The following SORCS1 variants were observed in gnomAD, a reference collection of about 807,000 sequenced individuals.
The protein encoded by SORCS1 is VPS10 domain-containing receptor SorCS1.
In SORCS1, 60 loss-of-function variants were observed where a neutral mutation model predicts 146.1. The observed-to-expected ratio is 0.41, with a 90% CI of 0.33 to 0.51. The LOEUF is 0.51. Among genes scored for constraint, SORCS1 ranks in the 20% least tolerant of loss-of-function variants. SORCS1 has a pLI of 0.21. For synonymous variants in SORCS1, 637 were observed against 584.0 expected (o/e 1.09, Z -1.31); for missense variants, 1,352 against 1,487.6 (o/e 0.91, Z 1.50).
chr10:107,139,804 A>G (rs1490265659), intron 1 of SORCS1, among the ~76,000 whole-genome samples: 13 of 152,242 alleles, frequency 8.5e-5, no homozygotes, highest in Admixed American at 8.5e-4. Context: ...GACATGGCTA[A>G]TAACTGGATC....
chr10:107,116,683 C>G (rs1966060155), intron 1 of SORCS1, among the ~76,000 whole-genome samples: 1 of 151,962 alleles, frequency 6.6e-6, no homozygotes, highest in Non-Finnish European at 1.5e-5. Flanking sequence ...TGTAAGGGTA[C>G]AAAATATCAA....
At chr10:106,756,770 T>C (rs1004566995) in intron 5 of SORCS1, among the ~76,000 whole-genome samples, 2 of 152,186 alleles carry the variant, frequency 1.3e-5, no homozygotes, top group Admixed American at 6.5e-5. Context: ...TGTTAAAGCT[T>C]GAAACTTGTA....
intron 1 of SORCS1, among the ~76,000 whole-genome samples, chr10:107,044,408 A>C (rs567542122): frequency 6.6e-6 from 1 of 151,814 alleles, no homozygotes; most frequent in Non-Finnish European, 1.5e-5. Flanking sequence ...ACAAATAAAT[A>C]AGAAATGTGC....
chr10:106,820,569 T>C (rs1008124220), intron 3 of SORCS1, among the ~76,000 whole-genome samples: 5 of 152,142 alleles, frequency 3.3e-5, no homozygotes, highest in African/African-American at 1.2e-4. Flanking sequence ...AGGGGAGAAA[T>C]AGTGGTTTTA....
At chr10:107,015,690 G>A (rs956148380) in intron 1 of SORCS1, among the ~76,000 whole-genome samples, 1 of 152,176 alleles carries the variant, frequency 6.6e-6, no homozygotes, top group Non-Finnish European at 1.5e-5. Context: ...CTTCAACAAT[G>A]AGGACAGATG....
rs571925666 is a variant in SORCS1, at chr10:106,790,095, A to C, written c.727-13403T>G. On this transcript the variant is annotated intron_variant, in intron 3 of 25. Coordinates refer to ENST00000263054, the MANE Select transcript of SORCS1 (RefSeq NM_052918.5). ...CAACACCTAAGGATAACAATTCAAG[A>C]TTAGATTTGGGTAGGGACACAAAGC... is the stretch of plus-strand genomic sequence containing the variant. Among the ~76,000 whole-genome samples, 4 of 152,336 alleles carry C rather than the reference A, an allele frequency of 2.6e-5. No homozygotes were observed. The South Asian group carries it at 8.3e-4, about 32-fold the overall frequency.
chr10:106,823,643 G>T (rs1465465493), intron 3 of SORCS1, among the ~76,000 whole-genome samples: 1 of 152,210 alleles, frequency 6.6e-6, no homozygotes, highest in Non-Finnish European at 1.5e-5. Context: ...TCTAAAGGGA[G>T]TATTAGACAT....
chr10:106,659,060 G>A (rs1473046665), intron 17 of SORCS1, among the ~76,000 whole-genome samples: 1 of 152,160 alleles, frequency 6.6e-6, no homozygotes, highest in Non-Finnish European at 1.5e-5. Context: ...GCTCAGGAGT[G>A]ACAATGTGTC....
At chr10:106,870,996 C>CGTTT in intron 2 of SORCS1, among the ~76,000 whole-genome samples, 1 of 152,166 alleles carries the variant, frequency 6.6e-6, no homozygotes, top group East Asian at 1.9e-4. Flanking sequence ...GAAACTTAAA[C>CGTTT]AAGTGTATAT....
chr10:107,054,733 T>G (rs929963663), intron 1 of SORCS1, among the ~76,000 whole-genome samples: 2 of 152,210 alleles, frequency 1.3e-5, no homozygotes, highest in African/African-American at 2.4e-5. Flanking sequence ...CCACAGGGCA[T>G]GAGCTATGCT....
intron 21 of SORCS1, among the ~76,000 whole-genome samples, chr10:106,616,314 GA>G (rs924865464): frequency 6.6e-6 from 1 of 150,930 alleles, no homozygotes; most frequent in African/African-American, 2.4e-5. Flanking sequence ...GGAGAGAAAG[GA>G]AAAAAAAATC....
At chr10:106,749,391 G>GT (rs1857982990) in intron 5 of SORCS1, among the ~76,000 whole-genome samples, 1 of 152,162 alleles carries the variant, frequency 6.6e-6, no homozygotes, top group Non-Finnish European at 1.5e-5. Flanking sequence ...TCACTGAGCA[G>GT]TAGCTATGCA....
chr10:107,091,804 C>T (rs528933588), intron 1 of SORCS1, among the ~76,000 whole-genome samples: 1 of 152,318 alleles, frequency 6.6e-6, no homozygotes, highest in South Asian at 2.1e-4. Flanking sequence ...TTTTCTTCAA[C>T]TCTTTTCACT....
intron 2 of SORCS1, among the ~76,000 whole-genome samples, chr10:106,857,385 T>C (rs894772591): frequency 1.3e-5 from 2 of 152,170 alleles, no homozygotes; most frequent in Non-Finnish European, 2.9e-5. Context: ...AGAGGGAAGC[T>C]TGGGCACAGG....
chr10:106,953,087 T>C (rs897813346), intron 2 of SORCS1, among the ~76,000 whole-genome samples: 1 of 152,040 alleles, frequency 6.6e-6, no homozygotes, highest in Admixed American at 6.6e-5. Flanking sequence ...ATATGACATA[T>C]GGCAAATGAC....
At chr10:106,704,546 C>T (rs1326637283) in intron 8 of SORCS1, among the ~76,000 whole-genome samples, 1 of 152,030 alleles carries the variant, frequency 6.6e-6, no homozygotes, top group Non-Finnish European at 1.5e-5. Flanking sequence ...AAAAATTAGC[C>T]AGGCTTGGTG....
intron 5 of SORCS1, among the ~76,000 whole-genome samples, chr10:106,750,378 GA>G (rs1858061070): frequency 6.6e-6 from 1 of 152,070 alleles, no homozygotes; most frequent in African/African-American, 2.4e-5. Flanking sequence ...TCACACTGCA[GA>G]AGGGGAAATT....
intron 1 of SORCS1, among the ~76,000 whole-genome samples, chr10:107,162,563 A>G (rs1969788930): frequency 6.6e-6 from 1 of 152,246 alleles, no homozygotes; most frequent in Admixed American, 6.5e-5. Context: ...AGACTCTGTC[A>G]TGAAGGAGGA....
chr10:106,945,353 G>T, intron 2 of SORCS1, among the ~76,000 whole-genome samples: 1 of 152,134 alleles, frequency 6.6e-6, no homozygotes. Flanking sequence ...GACTTTCTTT[G>T]TGCCCAATAC....
Sources: gnomAD v4.1 joint callset for allele counts (sites outside exome capture counted in the v4.1 genomes callset) on GRCh38, gnomAD v4.1.1 for gene constraint, MANE v1.5 for transcripts, NCBI Gene and HGNC (gene_info 2026-07-23, HGNC 2026-07-21) for gene names.